The following RABGAP1L variants were observed in gnomAD, a reference collection of about 807,000 sequenced individuals.
RABGAP1L encodes RAB GTPase activating protein 1 like.
In RABGAP1L, 63 loss-of-function variants were observed where a neutral mutation model predicts 137.7. The ratio of observed to expected loss-of-function variants is 0.46; its 90% confidence interval spans 0.37 to 0.56. The LOEUF (loss-of-function observed/expected upper bound fraction) is 0.56. Among genes scored for constraint, RABGAP1L ranks in the 20% least tolerant of loss-of-function variants. RABGAP1L has a pLI of 0.00. For synonymous variants in RABGAP1L, 431 were observed against 433.7 expected (o/e 0.99, Z 0.08); for missense variants, 1,095 against 1,244.0 (o/e 0.88, Z 1.80).
chr1:174,160,995 A>G (rs972041143), intron 1 of RABGAP1L, among the ~76,000 whole-genome samples: 1 of 152,162 alleles, frequency 6.6e-6, no homozygotes, highest in African/African-American at 2.4e-5. Flanking sequence ...TGAGATTTCT[A>G]AGGAGAAAGA....
chr1:174,966,205 A>T (rs1258659124), intron 20 of RABGAP1L, among the ~76,000 whole-genome samples: 2 of 152,210 alleles, frequency 1.3e-5, no homozygotes, highest in African/African-American at 2.4e-5. Flanking sequence ...TGCCAAATGA[A>T]TGTAATGTAC....
intron 19 of RABGAP1L, among the ~76,000 whole-genome samples, chr1:174,926,651 A>G (rs895768840): frequency 1.3e-5 from 2 of 152,092 alleles, no homozygotes; most frequent in East Asian, 1.9e-4. Flanking sequence ...TTTTATCAAT[A>G]TGTTGTTTTA....
At chr1:174,602,143 C>T (rs755997615) in intron 13 of RABGAP1L, among the ~76,000 whole-genome samples, 11 of 152,140 alleles carry the variant, frequency 7.2e-5, no homozygotes, top group African/African-American at 9.7e-5. Flanking sequence ...TTTTCGTCAA[C>T]GCCCCACTCT....
chr1:174,541,259 T>C (rs2147934269), intron 13 of RABGAP1L, among the ~76,000 whole-genome samples: 1 of 152,274 alleles, frequency 6.6e-6, no homozygotes, highest in Middle Eastern at 3.4e-3. Context: ...GACTTCCCCT[T>C]TTCCTAATTG....
intron 19 of RABGAP1L, among the ~76,000 whole-genome samples, chr1:174,849,075 C>T (rs997406224): frequency 6.6e-6 from 1 of 152,208 alleles, no homozygotes; most frequent in Non-Finnish European, 1.5e-5. Context: ...AATGCCTCGC[C>T]CTGCTTCGGC....
chr1:174,373,117 A>C (rs915683381), intron 12 of RABGAP1L, among the ~76,000 whole-genome samples: 1 of 152,164 alleles, frequency 6.6e-6, no homozygotes, highest in African/African-American at 2.4e-5. Flanking sequence ...TGTTTTATTT[A>C]GGGTTACTCT....
intron 11 of RABGAP1L, among the ~76,000 whole-genome samples, chr1:174,364,750 G>A (rs1248077394): frequency 6.6e-6 from 1 of 152,074 alleles, no homozygotes; most frequent in African/African-American, 2.4e-5. Flanking sequence ...GGTCACCCCT[G>A]AAACGAGCAT....
intron 1 of RABGAP1L, among the ~76,000 whole-genome samples, chr1:174,194,442 G>A (rs1667426193): frequency 6.6e-6 from 1 of 152,042 alleles, no homozygotes; most frequent in African/African-American, 2.4e-5. Flanking sequence ...CACCATGTTG[G>A]CCATGCTGGT....
At chr1:174,782,802 C>G (rs930881147) in intron 18 of RABGAP1L, among the ~76,000 whole-genome samples, 2 of 152,126 alleles carry the variant, frequency 1.3e-5, no homozygotes, top group Non-Finnish European at 2.9e-5. Context: ...CACACCTGAC[C>G]AATCAGGTAG....
chr1:174,613,270 T>A (rs1671450175), intron 13 of RABGAP1L, among the ~76,000 whole-genome samples: 1 of 152,160 alleles, frequency 6.6e-6, no homozygotes, highest in African/African-American at 2.4e-5. Context: ...TTGTTCTCGT[T>A]GGTTTCAAAG....
intron 11 of RABGAP1L, among the ~76,000 whole-genome samples, chr1:174,352,484 T>C (rs972547473): frequency 8.5e-5 from 13 of 152,192 alleles, no homozygotes; most frequent in South Asian, 8.3e-4. Context: ...CTCTTTGTTA[T>C]CTTGAATTTC....
intron 14 of RABGAP1L, among the ~76,000 whole-genome samples, chr1:174,646,209 C>T (rs1424561505): frequency 6.6e-6 from 1 of 151,962 alleles, no homozygotes; most frequent in Non-Finnish European, 1.5e-5. Flanking sequence ...GAAGCTCTTT[C>T]ATTTAATTAG....
chr1:174,396,163 AG>A (rs778150168), intron 13 of RABGAP1L, among the ~76,000 whole-genome samples: 3 of 152,138 alleles, frequency 2.0e-5, no homozygotes, highest in Non-Finnish European at 4.4e-5. Context: ...CAGGGGTTGG[AG>A]GAAAAAGGAA....
At chr1:174,488,068 G>A (rs1395885685) in intron 13 of RABGAP1L, among the ~76,000 whole-genome samples, 1 of 152,052 alleles carries the variant, frequency 6.6e-6, no homozygotes, top group African/African-American at 2.4e-5. Context: ...ATATACCACA[G>A]TTACAGTTTT....
chr1:174,782,752 G>T (rs1687109459), intron 18 of RABGAP1L, among the ~76,000 whole-genome samples: 1 of 152,158 alleles, frequency 6.6e-6, no homozygotes, highest in Non-Finnish European at 1.5e-5. Context: ...TGTGGACGGT[G>T]ACCACACCCA....
At chr1:174,906,139 TCCTAAGTAGC>T (rs1659043511) in intron 19 of RABGAP1L, among the ~76,000 whole-genome samples, 1 of 152,008 alleles carries the variant, frequency 6.6e-6, no homozygotes, top group Non-Finnish European at 1.5e-5. Context: ...CACCTCAGCC[TCCTAAGTAGC>T]TAGGACTGTA....
At chr1:174,526,288 G>GT (rs1558308787) in intron 13 of RABGAP1L, among the ~76,000 whole-genome samples, 2 of 152,060 alleles carry the variant, frequency 1.3e-5, no homozygotes, top group South Asian at 2.1e-4. Flanking sequence ...TTGACCTATA[G>GT]TTTTTTGTTG....
At chr1:174,443,065 T>G (rs906242580) in intron 13 of RABGAP1L, among the ~76,000 whole-genome samples, 12 of 152,148 alleles carry the variant, frequency 7.9e-5, no homozygotes, top group African/African-American at 2.9e-4. Flanking sequence ...TTTTTTATAG[T>G]TGAATAATAT....
At chr1:174,493,167 T>C (rs531673754) in intron 13 of RABGAP1L, among the ~76,000 whole-genome samples, 129 of 147,206 alleles carry the variant, frequency 8.8e-4, no homozygotes, top group African/African-American at 3.0e-3. Flanking sequence ...GAGACCAGTC[T>C]AGGTAACATA....
Sources: allele counts gnomAD v4.1 joint callset (sites outside exome capture counted in the v4.1 genomes callset), GRCh38; gene constraint gnomAD v4.1.1; transcripts MANE v1.5; gene names NCBI Gene and HGNC (gene_info 2026-07-23, HGNC 2026-07-21).